PLCB1: variants seen among roughly 807,000 people sequenced by gnomAD.
PLCB1 encodes 1-phosphatidylinositol 4,5-bisphosphate phosphodiesterase beta-1.
PLCB1 carries 46 observed loss-of-function variants against 161.8 expected under a neutral mutation model. That is an observed-to-expected ratio of 0.28 (90% CI 0.22 to 0.36). PLCB1 has a LOEUF of 0.36. Among genes scored for constraint, PLCB1 ranks in the 10% least tolerant of loss-of-function variants. PLCB1 has a pLI of 1.00. For missense variants in PLCB1, 1,016 were observed against 1,472.5 expected, an observed-to-expected ratio of 0.69 and a Z score of 5.07; for synonymous variants, 517 against 503.7, an observed-to-expected ratio of 1.03 and a Z score of -0.35.
At chr20:8,502,193 A>G (rs1600110866) in intron 3 of PLCB1, among the ~76,000 whole-genome samples, 1 of 152,054 alleles carries the variant, frequency 6.6e-6, no homozygotes, top group Non-Finnish European at 1.5e-5. Context: ...CCAGTGTTCT[A>G]TGGGACAGCT....
intron 2 of PLCB1, among the ~76,000 whole-genome samples, chr20:8,255,044 A>G (rs1028552997): frequency 6.6e-6 from 1 of 152,094 alleles, no homozygotes; most frequent in Non-Finnish European, 1.5e-5. Context: ...AAGTCTTAAC[A>G]CTGAGCAAAG....
intron 3 of PLCB1, among the ~76,000 whole-genome samples, chr20:8,486,168 A>G (rs1282175842): frequency 6.6e-6 from 1 of 152,188 alleles, no homozygotes; most frequent in African/African-American, 2.4e-5. Context: ...GGTCCCTCCC[A>G]TGACACATGG....
At chr20:8,373,516 AT>A (rs1354141637) in intron 3 of PLCB1, among the ~76,000 whole-genome samples, 4 of 152,234 alleles carry the variant, frequency 2.6e-5, no homozygotes, top group African/African-American at 4.8e-5. Flanking sequence ...AAAAATGCTG[AT>A]GTGTGTTTTC....
At chr20:8,867,447 T>C (rs6086673) in intron 31 of PLCB1, among the ~76,000 whole-genome samples, 45,407 of 152,002 alleles carry the variant, frequency 0.3, 7,665 homozygotes, top group East Asian at 0.65. Context: ...CAGTTCTTTC[T>C]GGTTGGTGGC....
chr20:8,289,955 G>A (rs1983310388), intron 2 of PLCB1, among the ~76,000 whole-genome samples: 1 of 152,286 alleles, frequency 6.6e-6, no homozygotes, highest in African/African-American at 2.4e-5. Context: ...TTCATCTTTT[G>A]TAATATTTCA....
intron 2 of PLCB1, among the ~76,000 whole-genome samples, chr20:8,287,525 A>G (rs1033011451): frequency 5.9e-5 from 9 of 152,196 alleles, no homozygotes; most frequent in Non-Finnish European, 1.2e-4. Context: ...TGATTCCTAC[A>G]GGGCTGGAAA....
chr20:8,540,764 T>C (rs951510239), intron 3 of PLCB1, among the ~76,000 whole-genome samples: 15 of 152,154 alleles, frequency 9.9e-5, no homozygotes, highest in Non-Finnish European at 1.8e-4. Flanking sequence ...TCCACAGTTG[T>C]TGACAGACAG....
chr20:8,220,808 T>C (rs1979366234), intron 2 of PLCB1, among the ~76,000 whole-genome samples: 1 of 152,202 alleles, frequency 6.6e-6, no homozygotes, highest in Admixed American at 6.5e-5. Context: ...CTAATACAAG[T>C]GTTCATTATT....
At chr20:8,475,746 G>T (rs950067011) in intron 3 of PLCB1, among the ~76,000 whole-genome samples, 72 of 152,156 alleles carry the variant, frequency 4.7e-4, no homozygotes, top group Non-Finnish European at 8.8e-5. Flanking sequence ...AACAATGTTT[G>T]TATGAAGTAA....
chr20:8,816,434 A>G (rs1239935770), intron 31 of PLCB1, among the ~76,000 whole-genome samples: 2 of 152,244 alleles, frequency 1.3e-5, no homozygotes, highest in African/African-American at 2.4e-5. Context: ...GAGATCAGGC[A>G]TCTCTACAGA....
intron 3 of PLCB1, among the ~76,000 whole-genome samples, chr20:8,490,020 A>G (rs1317635873): frequency 6.6e-6 from 1 of 152,190 alleles, no homozygotes; most frequent in East Asian, 1.9e-4. Flanking sequence ...GAATCCAGGT[A>G]GAATACAATA....
intron 7 of PLCB1, chr20:8,649,744 G>T (rs896219331): frequency 2.4e-6 from 1 of 411,034 alleles, no homozygotes; most frequent in Non-Finnish European, 4.5e-6. Context: ...TGCCAGATGT[G>T]CCCTCTCCAC....
At chr20:8,503,644 C>T (rs1180671859) in intron 3 of PLCB1, among the ~76,000 whole-genome samples, 2 of 152,032 alleles carry the variant, frequency 1.3e-5, no homozygotes, top group Non-Finnish European at 2.9e-5. Flanking sequence ...ATTTCTTGTA[C>T]AGTCTTCTAC....
chr20:8,227,152 T>A (rs1027541672), intron 2 of PLCB1, among the ~76,000 whole-genome samples: 5 of 152,146 alleles, frequency 3.3e-5, no homozygotes, highest in African/African-American at 4.8e-5. Flanking sequence ...AGTGTGTATT[T>A]TTCCCTCACA....
intron 2 of PLCB1, among the ~76,000 whole-genome samples, chr20:8,268,330 T>G (rs943701022): frequency 1.3e-5 from 2 of 152,178 alleles, no homozygotes; most frequent in Non-Finnish European, 2.9e-5. Flanking sequence ...TATTCCATGG[T>G]ATATATGTGC....
chr20:8,242,865 T>C (rs1401098311), intron 2 of PLCB1, among the ~76,000 whole-genome samples: 1 of 151,964 alleles, frequency 6.6e-6, no homozygotes, highest in Non-Finnish European at 1.5e-5. Flanking sequence ...CATCTCTGGT[T>C]CAATTGTGCT....
intron 3 of PLCB1, among the ~76,000 whole-genome samples, chr20:8,586,354 TG>T (rs1353420315): frequency 2.5e-5 from 3 of 120,900 alleles, no homozygotes; most frequent in Admixed American, 1.8e-4. Context: ...TTATTTATTA[TG>T]GTTTTTTTTT....
chr20:8,134,513 G>C (rs1204692298), intron 1 of PLCB1, among the ~76,000 whole-genome samples: 1 of 152,132 alleles, frequency 6.6e-6, no homozygotes, highest in Admixed American at 6.5e-5. Context: ...ACACATTTTG[G>C]TATATCCAGG....
intron 3 of PLCB1, among the ~76,000 whole-genome samples, chr20:8,535,898 G>C (rs1985030231): frequency 6.6e-6 from 1 of 152,010 alleles, no homozygotes; most frequent in Non-Finnish European, 1.5e-5. Flanking sequence ...CCCTTCAAAG[G>C]CCCTTACGGA....
Sources: gnomAD v4.1 joint callset for allele counts (sites outside exome capture counted in the v4.1 genomes callset) on GRCh38, gnomAD v4.1.1 for gene constraint, MANE v1.5 for transcripts, NCBI Gene and HGNC (gene_info 2026-07-23, HGNC 2026-07-21) for gene names.